The following PEX7 variants were observed in gnomAD, a reference collection of about 807,000 sequenced individuals.
PEX7 encodes the protein peroxisomal biogenesis factor 7, also known as PTS2 receptor.
PEX7 carries 34 observed loss-of-function variants against 47.5 expected under a neutral mutation model. The ratio of observed to expected loss-of-function variants is 0.72; its 90% CI spans 0.54 to 0.95. The LOEUF (loss-of-function observed/expected upper bound fraction) is 0.95, where lower values mean the gene tolerates loss of function less well. Ranked by LOEUF, PEX7 falls within the 40% of genes least tolerant of loss-of-function variation. PEX7 has a pLI of 0.00. For synonymous variants in PEX7, 141 were observed against 148.8 expected, an observed-to-expected ratio of 0.95 and a Z score of 0.38; for missense variants, 394 against 400.3, an observed-to-expected ratio of 0.98 and a Z score of 0.13.
intron 5 of PEX7, among the ~76,000 whole-genome samples, chr6:136,857,849 G>T (rs902502293): frequency 6.6e-6 from 1 of 152,106 alleles, no homozygotes; most frequent in African/African-American, 2.4e-5. Flanking sequence ...TTGAGACAGG[G>T]TCTGGCTCTG....
At chr6:136,862,611 A>G (rs1297059313) in intron 5 of PEX7, among the ~76,000 whole-genome samples, 1 of 152,200 alleles carries the variant, frequency 6.6e-6, no homozygotes, top group Non-Finnish European at 1.5e-5. Flanking sequence ...CCTGGGCTCA[A>G]GTGATCCTCC....
rs746597772 is a variant in PEX7 at position 136,826,486 on chromosome 6, T to C, written c.339+17T>C. On this transcript the variant is annotated intron_variant, in intron 3 of 9. Coordinates refer to ENST00000318471, the MANE Select transcript of PEX7 (RefSeq NM_000288.4). ...GCTCAGGAGGTAGGAGGGAAATCTT[T>C]CTGGGCTGATTATTTTTCTTTCTTC... 1.5e-5 allele frequency: 25 copies of C among 1,613,728 alleles called. No individual in the cohort carries two copies. The highest frequency in any genetic ancestry group is 1.3e-4 in the African/African-American group (10 of 74,794).
chr6:136,843,998 C>T (rs180988472), intron 3 of PEX7, among the ~76,000 whole-genome samples: 5 of 152,094 alleles, frequency 3.3e-5, no homozygotes, highest in Non-Finnish European at 5.9e-5. Flanking sequence ...AACAAAATAT[C>T]GATATTTTAC....
intron 8 of PEX7, among the ~76,000 whole-genome samples, chr6:136,877,311 T>C (rs965765556): frequency 2.0e-5 from 3 of 152,216 alleles, no homozygotes; most frequent in Non-Finnish European, 4.4e-5. Flanking sequence ...AGAAGCTCTT[T>C]AGTTTAATTA....
At chr6:136,822,922 G>A (rs1476583031) in intron 1 of PEX7, 127 bp downstream of exon 1, 5 of 1,210,332 alleles carry the variant, frequency 4.1e-6, no homozygotes, top group South Asian at 3.8e-5. Context: ...CCACGCCAGG[G>A]GGCAGAAGAG....
intron 3 of PEX7, among the ~76,000 whole-genome samples, chr6:136,840,775 C>T (rs2115160966): frequency 6.6e-6 from 1 of 152,238 alleles, no homozygotes; most frequent in African/African-American, 2.4e-5. Flanking sequence ...CTTGCTCTTC[C>T]CTGAATCTGG....
rs139641219 is a variant in PEX7, at chr6:136,892,260, T to C, written c.804-5882T>C. Reference sequence around the variant, plus strand: ...ATGGGCTTTGGCTTATGAAATTCTTTCTGTAGTTTGAAGAGTTTAGGGGAT... The same window carrying C: ...ATGGGCTTTGGCTTATGAAATTCTTCCTGTAGTTTGAAGAGTTTAGGGGAT... On this transcript the variant is annotated intron_variant, in intron 8 of 9. Transcript: ENST00000318471. 7.6e-3 allele frequency among the ~76,000 whole-genome samples: 1,163 copies of C among 152,308 alleles called. 10 individuals are homozygous for C. Among genetic ancestry groups the C allele is most frequent in the African/African-American group, 0.024 (1,009 of 41,566 alleles).
intron 1 of PEX7, 88 bp from the exon 2 acceptor site, chr6:136,825,126 A>G: frequency 9.4e-7 from 1 of 1,063,368 alleles, no homozygotes; most frequent in South Asian, 1.3e-5. Flanking sequence ...TGGTATTAAA[A>G]TCAGGTATCA....
rs563432202 is a variant in PEX7 at position 136,884,175 on chromosome 6, G to A, written c.803+11922G>A. Among the ~76,000 whole-genome samples, 21 of 152,188 alleles carry A rather than the reference G, an allele frequency of 1.4e-4. 1 individual carries two copies. The highest frequency in any genetic ancestry group is 8.5e-4 in the Admixed American group (13 of 15,288). On this transcript the variant is annotated intron_variant, in intron 8 of 9. Coordinates refer to ENST00000318471, the MANE Select transcript of PEX7 (RefSeq NM_000288.4). ...ACATGTCGAGAATAAGACTTTAATCGTTCTAATGCCTGTGTGAGTCTAGTC... is the reference window on the plus strand; with the variant it reads ...ACATGTCGAGAATAAGACTTTAATCATTCTAATGCCTGTGTGAGTCTAGTC...
chr6:136,886,899 A>C (rs1343132071), intron 8 of PEX7, among the ~76,000 whole-genome samples: 1 of 152,072 alleles, frequency 6.6e-6, no homozygotes, highest in Non-Finnish European at 1.5e-5. Flanking sequence ...CAAAATTAAA[A>C]CATTAGCCAG....
At chr6:136,905,896 T>C (rs1250231708) in intron 9 of PEX7, among the ~76,000 whole-genome samples, 1 of 152,256 alleles carries the variant, frequency 6.6e-6, no homozygotes, top group African/African-American at 2.4e-5. Context: ...CTAGTTTTCC[T>C]GTCTCTTCGC....
intron 8 of PEX7, among the ~76,000 whole-genome samples, chr6:136,879,903 A>G (rs1215336511): frequency 6.6e-6 from 1 of 151,872 alleles, no homozygotes; most frequent in Non-Finnish European, 1.5e-5. Flanking sequence ...TTGGGCCCCA[A>G]TGTAATTCTG....
chr6:136,890,566 C>A (rs1775537373), intron 8 of PEX7, among the ~76,000 whole-genome samples: 1 of 152,102 alleles, frequency 6.6e-6, no homozygotes, highest in African/African-American at 2.4e-5. Context: ...GTCTTCTCCC[C>A]CTCCTCACCC....
chr6:136,862,528 A>G (rs541192469), intron 5 of PEX7, among the ~76,000 whole-genome samples: 4 of 152,134 alleles, frequency 2.6e-5, no homozygotes, highest in African/African-American at 9.6e-5. Context: ...GGTGTGTGCC[A>G]CCATGCCTGG....
intron 3 of PEX7, among the ~76,000 whole-genome samples, chr6:136,840,764 C>T (rs1298031477): frequency 3.9e-5 from 6 of 152,148 alleles, no homozygotes; most frequent in African/African-American, 1.2e-4. Context: ...AGCTATTCAA[C>T]CTTGCTCTTC....
rs559594751 is a variant in PEX7, at chr6:136,843,912, G to A, written c.340-1703G>A. On this transcript the variant is annotated intron_variant, in intron 3 of 9. Coordinates refer to ENST00000318471, the MANE Select transcript of PEX7 (RefSeq NM_000288.4). ...CACTCTAGGTACACAATTTAAGGGG[G>A]CCCCAAAAAACTTGATAATCAAGAT... is the stretch of plus-strand genomic sequence containing the variant. 5.8e-4 allele frequency among the ~76,000 whole-genome samples: 88 copies of A among 151,970 alleles called. 1 individual carries two copies. Among genetic ancestry groups the A allele is most frequent in the African/African-American group, 2.1e-3 (86 of 41,428 alleles).
chr6:136,830,998 A>G (rs1774283477), intron 3 of PEX7, among the ~76,000 whole-genome samples: 2 of 152,206 alleles, frequency 1.3e-5, no homozygotes, highest in African/African-American at 4.8e-5. Context: ...TCAAGAGTTA[A>G]AATCTTGTTT....
chr6:136,842,802 T>G (rs892843783), intron 3 of PEX7, among the ~76,000 whole-genome samples: 27 of 152,120 alleles, frequency 1.8e-4, no homozygotes, highest in Non-Finnish European at 3.7e-4. Flanking sequence ...AAATGCTGAG[T>G]TAGAAGTAGG....
At chr6:136,874,232 A>G (rs1775228655) in intron 8 of PEX7, among the ~76,000 whole-genome samples, 2 of 152,342 alleles carry the variant, frequency 1.3e-5, no homozygotes, top group Admixed American at 6.5e-5. Flanking sequence ...CTGCAAAACT[A>G]GTGGAGCATG....
Sources: gnomAD v4.1 joint callset for allele counts (sites outside exome capture counted in the v4.1 genomes callset) on GRCh38, gnomAD v4.1.1 for gene constraint, MANE v1.5 for transcripts, NCBI Gene and HGNC (gene_info 2026-07-23, HGNC 2026-07-21) for gene names.